POC1B: variants seen among roughly 807,000 people sequenced by gnomAD.
POC1B encodes POC1 centriolar protein B.
Under a neutral mutation model 60.6 loss-of-function variants are expected in POC1B, and 44 were observed. The ratio of observed to expected loss-of-function variants is 0.73; its 90% CI spans 0.57 to 0.93. The LOEUF (loss-of-function observed/expected upper bound fraction) is 0.93. Among genes scored for constraint, POC1B ranks in the 40% least tolerant of loss-of-function variants. The pLI is 0.00. For synonymous variants in POC1B, 180 were observed against 198.9 expected, an observed-to-expected ratio of 0.90 and a Z score of 0.80; for missense variants, 555 against 572.3, an observed-to-expected ratio of 0.97 and a Z score of 0.31.
chr12:89,438,448 C>T (rs1881372822), intron 10 of POC1B, among the ~76,000 whole-genome samples: 1 of 152,242 alleles, frequency 6.6e-6, no homozygotes, highest in Admixed American at 6.5e-5. Flanking sequence ...AAGAGCGAGA[C>T]TCCGTCTCAA....
In POC1B at chr12:89,420,256, G is replaced by C. The variant is rs1036908359; in HGVS notation, c.*897C>G. On this transcript the variant is annotated 3_prime_UTR_variant, in exon 12 of 12. Coordinates refer to ENST00000313546, the MANE Select transcript of POC1B (RefSeq NM_172240.3). ...ATTCATTAAATAGGAAGATGATGAT[G>C]CAAAAATTTTAAAAAGTACTTACTA... is the stretch of plus-strand genomic sequence containing the variant. 2 of 152,088 alleles carry C rather than the reference G, an allele frequency of 1.3e-5. No homozygotes were observed. The highest frequency in any genetic ancestry group is 4.8e-5 in the African/African-American group (2 of 41,422). 9.4% of individuals were successfully genotyped at this position (152,088 alleles called of 1,614,324 possible). A position where few individuals can be genotyped will look rare whatever the true frequency, so the allele number is the denominator to read the frequency against.
chr12:89,519,436 T>G (rs1476230138), intron 2 of POC1B: 1 of 152,226 alleles, frequency 6.6e-6, no homozygotes, highest in East Asian at 1.9e-4. Context: ...CAGGCACACT[T>G]TTTATTTTAC....
At chr12:89,469,102 T>TAAAC (rs112306579) in intron 7 of POC1B, among the ~76,000 whole-genome samples, 1,799 of 152,050 alleles carry the variant, frequency 0.012, 33 homozygotes, top group African/African-American at 0.041. Flanking sequence ...TTGTCTCTTC[T>TAAAC]AAACAAACAA....
chr12:89,524,226 G>A, intron 2 of POC1B: 1 of 1,613,952 alleles, frequency 6.2e-7, no homozygotes, highest in East Asian at 2.2e-5. Context: ...GGGAAATCCT[G>A]TCACTGAGGT....
chr12:89,405,988 G>GTTTTTTTTTTTTTTTTTTTTTT, the POC1B span, among the ~76,000 whole-genome samples: 1 of 122,378 alleles, frequency 8.2e-6, no homozygotes, highest in Non-Finnish European at 1.8e-5. Flanking sequence ...AGTTTTGAGT[G>GTTTTTTTTTTTTTTTTTTTTTT]TTTTTTTTTT....
the POC1B span, among the ~76,000 whole-genome samples, chr12:89,402,084 G>A: frequency 6.6e-6 from 1 of 152,240 alleles, no homozygotes; most frequent in Non-Finnish European, 1.5e-5. Flanking sequence ...GGAAGTGGCC[G>A]GTGCCTGTTC....
chr12:89,525,743 C>T, intron 1 of POC1B, 138 bp downstream of exon 1: 2 of 1,309,014 alleles, frequency 1.5e-6, no homozygotes, highest in Non-Finnish European at 2.0e-6. Context: ...ACGGACGCCC[C>T]GGGACGAGGG....
At chr12:89,439,281 CTCTGGG>C (rs751470037) in intron 10 of POC1B, among the ~76,000 whole-genome samples, 10 of 152,344 alleles carry the variant, frequency 6.6e-5, no homozygotes, top group African/African-American at 1.9e-4. Flanking sequence ...CCCACTCCAT[CTCTGGG>C]TCCCAGACTT....
At chr12:89,509,866 G>A (rs190641281) in intron 2 of POC1B, among the ~76,000 whole-genome samples, 61 of 152,128 alleles carry the variant, frequency 4.0e-4, no homozygotes, top group South Asian at 1.2e-3. Context: ...GTTTTTTTGC[G>A]ACAGAGTCTC....
At chr12:89,502,328 C>A in intron 2 of POC1B, 2 of 1,611,576 alleles carry the variant, frequency 1.2e-6, no homozygotes, top group East Asian at 4.5e-5. Flanking sequence ...GTTCGCAGGA[C>A]CAAGAGAACA....
downstream of POC1B, among the ~76,000 whole-genome samples, chr12:89,417,956 C>T (rs1880391760): frequency 6.6e-6 from 1 of 152,202 alleles, no homozygotes; most frequent in Middle Eastern, 3.2e-3. Context: ...CCTATATTCA[C>T]ACAATATACG....
the POC1B span, among the ~76,000 whole-genome samples, chr12:89,404,718 T>C: frequency 1.2e-4 from 19 of 152,096 alleles, no homozygotes; most frequent in African/African-American, 4.1e-4. Context: ...CAATCGAGAG[T>C]CTTGCCTGTA....
intron 2 of POC1B, among the ~76,000 whole-genome samples, chr12:89,505,108 C>T (rs776252411): frequency 5.9e-5 from 9 of 152,084 alleles, no homozygotes; most frequent in African/African-American, 7.2e-5. Context: ...TTAGTCATCA[C>T]GAAAACGTAA....
chr12:89,507,282 A>C (rs1869950340), intron 2 of POC1B, among the ~76,000 whole-genome samples: 1 of 150,670 alleles, frequency 6.6e-6, no homozygotes, highest in Non-Finnish European at 1.5e-5. Context: ...AAAAAAAAAA[A>C]AAAAAAAAAA....
At chr12:89,487,860 T>C (rs1248429460) in intron 4 of POC1B, among the ~76,000 whole-genome samples, 1 of 152,170 alleles carries the variant, frequency 6.6e-6, no homozygotes, top group Non-Finnish European at 1.5e-5. Context: ...ACAAATCTTG[T>C]TCAATTCTCA....
chr12:89,450,967 C>T (rs985160959), intron 10 of POC1B, among the ~76,000 whole-genome samples: 7 of 152,076 alleles, frequency 4.6e-5, no homozygotes, highest in Admixed American at 3.9e-4. Flanking sequence ...AAAGGGAGCT[C>T]TGAGGTAAGC....
rs1369874579 is a variant in POC1B at position 89,459,832 on chromosome 12, G to A, written c.1033-114C>T. On this transcript the variant is annotated intron_variant, in intron 9 of 11. Transcript: ENST00000313546. The stretch of plus-strand genomic sequence containing the variant: ...TATATTCTAAAATTAAAATATATTG[G>A]TATATTCATTACTATGGATAAAAAA... 3.1e-5 allele frequency: 18 copies of A among 575,200 alleles called. No individual in the cohort carries two copies. The East Asian group carries it at 5.6e-4, about 18-fold the overall frequency. The allele number at this position is 575,200 out of a possible 1,614,324, so 35.6% of individuals were successfully genotyped here.
In POC1B at chr12:89,457,413, C is replaced by T. The variant is rs552436148; in HGVS notation, c.1113+2225G>A. On this transcript the variant is annotated intron_variant, in intron 10 of 11. Coordinates refer to ENST00000313546, the MANE Select transcript of POC1B (RefSeq NM_172240.3). The stretch of plus-strand genomic sequence containing the variant: ...ACACATTGAAAATTTAAAGAAAAGC[C>T]CTTTGGAGATATTCTTTTAAAAAGT... 4.6e-4 allele frequency among the ~76,000 whole-genome samples: 70 copies of T among 152,124 alleles called. 1 individual carries two copies. The highest frequency in any genetic ancestry group is 3.4e-3 in the Middle Eastern group (1 of 294).
chr12:89,486,144 C>T (rs1868622298), intron 4 of POC1B, among the ~76,000 whole-genome samples: 1 of 152,144 alleles, frequency 6.6e-6, no homozygotes, highest in South Asian at 2.1e-4. Context: ...GGAAGCTCCA[C>T]GAGAGTAGGA....
Sources: allele counts gnomAD v4.1 joint callset (sites outside exome capture counted in the v4.1 genomes callset), GRCh38; gene constraint gnomAD v4.1.1; transcripts MANE v1.5; gene names NCBI Gene and HGNC (gene_info 2026-07-23, HGNC 2026-07-21).